Variants in SEMA3E observed in about 807,000 individuals in gnomAD.
SEMA3E encodes semaphorin 3E.
A neutral mutation model predicts 93.6 loss-of-function variants in SEMA3E; 49 were observed. The ratio of observed to expected loss-of-function variants is 0.52; its 90% CI spans 0.42 to 0.66. The LOEUF is 0.66. Ranked by LOEUF, SEMA3E falls within the 30% of genes least tolerant of loss-of-function variation. The probability of loss-of-function intolerance (pLI) is 0.00; values close to 1 mark genes in which losing one functional copy is unlikely to be tolerated. For missense variants in SEMA3E, 906 were observed against 964.8 expected, an observed-to-expected ratio of 0.94 and a Z score of 0.81; for synonymous variants, 363 against 330.7, an observed-to-expected ratio of 1.10 and a Z score of -1.06.
At chr7:83,474,288 A>G (rs1382281296) in intron 2 of SEMA3E, among the ~76,000 whole-genome samples, 3 of 152,058 alleles carry the variant, frequency 2.0e-5, no homozygotes, top group African/African-American at 4.8e-5. Flanking sequence ...AAGTGATGAT[A>G]GTAGCATTTT....
At chr7:83,611,128 C>A (rs183495700) in intron 1 of SEMA3E, among the ~76,000 whole-genome samples, 95 of 151,158 alleles carry the variant, frequency 6.3e-4, no homozygotes, top group Non-Finnish European at 1.2e-3. Context: ...TGTCTCTCTG[C>A]ATCTCTATGG....
chr7:83,634,726 T>C (rs1474456450), intron 1 of SEMA3E, among the ~76,000 whole-genome samples: 2 of 152,084 alleles, frequency 1.3e-5, no homozygotes, highest in African/African-American at 4.8e-5. Context: ...TAACTTCTTA[T>C]GACTGTAACA....
chr7:83,374,424 C>T (rs765392859), intron 16 of SEMA3E, among the ~76,000 whole-genome samples: 6 of 151,916 alleles, frequency 3.9e-5, no homozygotes, highest in Non-Finnish European at 7.4e-5. Context: ...ATGAAGGATG[C>T]TGACAAATAA....
intron 14 of SEMA3E, among the ~76,000 whole-genome samples, chr7:83,388,741 T>TC: frequency 6.6e-6 from 1 of 151,726 alleles, no homozygotes; most frequent in Non-Finnish European, 1.5e-5. Flanking sequence ...TTCTTCCCTT[T>TC]CCTGGCTCTT....
intron 1 of SEMA3E, among the ~76,000 whole-genome samples, chr7:83,527,788 T>G (rs11975275): frequency 0.014 from 2,184 of 150,924 alleles, 65 homozygotes; most frequent in African/African-American, 0.05. Context: ...ATTTTTTTTT[T>G]GTTTGTTGTC....
chr7:83,383,639 A>G (rs888815596), intron 16 of SEMA3E, among the ~76,000 whole-genome samples: 1 of 152,022 alleles, frequency 6.6e-6, no homozygotes, highest in African/African-American at 2.4e-5. Context: ...GTAGTTGAAA[A>G]TAGGTACTAA....
intron 1 of SEMA3E, among the ~76,000 whole-genome samples, chr7:83,585,474 GC>G (rs1792607151): frequency 6.6e-6 from 1 of 152,102 alleles, no homozygotes; most frequent in South Asian, 2.1e-4. Flanking sequence ...TGCCGTTTAT[GC>G]CAGAATGTGG....
At chr7:83,518,009 G>T (rs1315275966) in intron 1 of SEMA3E, among the ~76,000 whole-genome samples, 1 of 152,136 alleles carries the variant, frequency 6.6e-6, no homozygotes, top group East Asian at 1.9e-4. Flanking sequence ...TCCCAAAACT[G>T]TTATTTCCAT....
At chr7:83,511,850 C>G (rs532713496) in intron 1 of SEMA3E, among the ~76,000 whole-genome samples, 1 of 151,956 alleles carries the variant, frequency 6.6e-6, no homozygotes, top group African/African-American at 2.4e-5. Flanking sequence ...GAGCCGAGAC[C>G]GCGCCATTAC....
chr7:83,437,071 G>T (rs578147176), intron 4 of SEMA3E, among the ~76,000 whole-genome samples: 1 of 152,066 alleles, frequency 6.6e-6, no homozygotes, highest in East Asian at 1.9e-4. Flanking sequence ...CATGGAAAAG[G>T]CCTGCTCCCA....
At chr7:83,396,778 G>C (rs375754732) in intron 11 of SEMA3E, 49 bp from the exon 12 acceptor site, 1 of 1,328,090 alleles carries the variant, frequency 7.5e-7, no homozygotes, top group Non-Finnish European at 1.0e-6. Context: ...GTCACAGTAC[G>C]GTTTTCAAAA....
At chr7:83,385,511 C>T in intron 15 of SEMA3E, 78 bp from the exon 16 acceptor site, 2 of 1,334,010 alleles carry the variant, frequency 1.5e-6, no homozygotes, top group Non-Finnish European at 2.2e-6. Flanking sequence ...TATTTAGATC[C>T]CTGCAGTAAC....
At chr7:83,388,685 C>T (rs1438557550) in intron 14 of SEMA3E, among the ~76,000 whole-genome samples, 2 of 151,976 alleles carry the variant, frequency 1.3e-5, no homozygotes, top group East Asian at 3.9e-4. Flanking sequence ...GAACCAGATT[C>T]AATTCCCAAT....
intron 6 of SEMA3E, among the ~76,000 whole-genome samples, chr7:83,408,089 C>T (rs985682612): frequency 2.0e-5 from 3 of 152,132 alleles, no homozygotes; most frequent in African/African-American, 4.8e-5. Flanking sequence ...GGACTTTTCA[C>T]TTTTCATACA....
chr7:83,599,290 A>G (rs1792936442), intron 1 of SEMA3E, among the ~76,000 whole-genome samples: 1 of 152,180 alleles, frequency 6.6e-6, no homozygotes, highest in African/African-American at 2.4e-5. Flanking sequence ...CCCTTTCATT[A>G]GCTATGGAAT....
At chr7:83,505,071 A>G (rs1301364763) in intron 1 of SEMA3E, among the ~76,000 whole-genome samples, 1 of 152,232 alleles carries the variant, frequency 6.6e-6, no homozygotes, top group Non-Finnish European at 1.5e-5. Context: ...GATTAAGATT[A>G]GTCATAAGTT....
chr7:83,605,287 G>T (rs1731232853), intron 1 of SEMA3E, among the ~76,000 whole-genome samples: 2 of 152,108 alleles, frequency 1.3e-5, no homozygotes, highest in South Asian at 2.1e-4. Context: ...AGACTTGCCG[G>T]TATCTATTGT....
At chr7:83,501,099 AT>A (rs1790588910) in intron 1 of SEMA3E, among the ~76,000 whole-genome samples, 1 of 152,202 alleles carries the variant, frequency 6.6e-6, no homozygotes, top group Non-Finnish European at 1.5e-5. Flanking sequence ...AGATACTATT[AT>A]TTTATACATT....
intron 4 of SEMA3E, 89 bp from the exon 5 acceptor site, chr7:83,418,572 T>G (rs771823089): frequency 1.6e-4 from 144 of 900,956 alleles, no homozygotes; most frequent in Non-Finnish European, 2.4e-4. Flanking sequence ...ACTTCGATTA[T>G]TTATAAAGCA....
Sources: allele counts gnomAD v4.1 joint callset (sites outside exome capture counted in the v4.1 genomes callset), GRCh38; gene constraint gnomAD v4.1.1; transcripts MANE v1.5; gene names NCBI Gene and HGNC (gene_info 2026-07-23, HGNC 2026-07-21).